CFAP96: variants seen among roughly 807,000 people sequenced by gnomAD.
CFAP96 encodes the protein cilia-and flagella-associated protein 96.
At chr4:185,428,724 C>T in the CFAP96 span, among the ~76,000 whole-genome samples, 1 of 152,022 alleles carries the variant, frequency 6.6e-6, no homozygotes, top group Admixed American at 6.6e-5. Context: ...ACTCAGAATT[C>T]ATTGTAGAAT....
At chr4:185,449,690 C>T in the CFAP96 span, 6 of 1,299,952 alleles carry the variant, frequency 4.6e-6, no homozygotes, top group South Asian at 7.0e-5. Context: ...ATGAGTAATT[C>T]ACTATCAAGA....
At chr4:185,445,094 G>C in the CFAP96 span, 1 of 1,551,604 alleles carries the variant, frequency 6.4e-7, no homozygotes, top group Admixed American at 2.0e-5. Context: ...CCAAAAAGCA[G>C]ACCAGTTGAA....
the CFAP96 span, among the ~76,000 whole-genome samples, chr4:185,441,098 G>A: frequency 6.6e-6 from 1 of 152,112 alleles, no homozygotes; most frequent in Admixed American, 6.5e-5. Context: ...TTACAGGCAT[G>A]TGCTACCATG....
chr4:185,443,497 T>C, the CFAP96 span, among the ~76,000 whole-genome samples: 2 of 150,684 alleles, frequency 1.3e-5, no homozygotes, highest in African/African-American at 2.4e-5. Context: ...TACAGGAGTG[T>C]GCCACCACGC....
the CFAP96 span, among the ~76,000 whole-genome samples, chr4:185,438,055 T>C: frequency 6.6e-6 from 1 of 152,076 alleles, no homozygotes; most frequent in African/African-American, 2.4e-5. Flanking sequence ...GATGTGACTT[T>C]GTGTTGTTTT....
At chr4:185,443,639 G>A in the CFAP96 span, among the ~76,000 whole-genome samples, 35 of 151,686 alleles carry the variant, frequency 2.3e-4, no homozygotes, top group Admixed American at 4.6e-4. Flanking sequence ...GTGAGCCACA[G>A]TGCCTGGCCT....
chr4:185,425,939 G>C, the CFAP96 span: 2 of 1,539,502 alleles, frequency 1.3e-6, no homozygotes, highest in African/African-American at 2.7e-5. Flanking sequence ...CTGAAGTGGT[G>C]TCACCGCACG....
At chr4:185,418,356 G>T in the CFAP96 span, 2 of 1,054,838 alleles carry the variant, frequency 1.9e-6, no homozygotes, top group Non-Finnish European at 2.8e-6. Context: ...TGATAAGAGG[G>T]TTAAATTATT....
At chr4:185,441,910 A>T in the CFAP96 span, among the ~76,000 whole-genome samples, 126 of 152,170 alleles carry the variant, frequency 8.3e-4, no homozygotes, top group African/African-American at 2.9e-3. Flanking sequence ...GGTATAGTTT[A>T]TTGTAGGTGA....
chr4:185,415,322 T>A, the CFAP96 span: 1 of 1,594,248 alleles, frequency 6.3e-7, no homozygotes, highest in Non-Finnish European at 8.5e-7. Context: ...TGATTATGAA[T>A]TGCATCAACC....
At chr4:185,429,456 C>G in the CFAP96 span, 2 of 1,538,800 alleles carry the variant, frequency 1.3e-6, no homozygotes, top group East Asian at 2.5e-5. Flanking sequence ...GGATTGGCCT[C>G]TTTAGTGAGA....
the CFAP96 span, among the ~76,000 whole-genome samples, chr4:185,410,335 A>C: frequency 6.6e-6 from 1 of 152,176 alleles, no homozygotes. Flanking sequence ...TTTGCTTGAA[A>C]TTTAAAAGCT....
the CFAP96 span, among the ~76,000 whole-genome samples, chr4:185,422,828 C>G: frequency 6.6e-6 from 1 of 152,212 alleles, no homozygotes; most frequent in Non-Finnish European, 1.5e-5. Context: ...CCCAGAGATT[C>G]TGATTAACTG....
the CFAP96 span, among the ~76,000 whole-genome samples, chr4:185,411,504 C>T: frequency 1.3e-5 from 2 of 151,948 alleles, no homozygotes; most frequent in Non-Finnish European, 1.5e-5. Context: ...ATGCAAAAAT[C>T]GTAAAATATT....
At chr4:185,419,980 G>A in the CFAP96 span, among the ~76,000 whole-genome samples, 1 of 152,138 alleles carries the variant, frequency 6.6e-6, no homozygotes, top group Non-Finnish European at 1.5e-5. Flanking sequence ...ACACTTTCAG[G>A]AACTGCCAAG....
At chr4:185,419,602 A>C in the CFAP96 span, among the ~76,000 whole-genome samples, 1 of 152,182 alleles carries the variant, frequency 6.6e-6, no homozygotes, top group Admixed American at 6.5e-5. Flanking sequence ...CATACTACCC[A>C]TGGCAATTAT....
the CFAP96 span, among the ~76,000 whole-genome samples, chr4:185,411,267 C>T: frequency 6.6e-6 from 1 of 151,702 alleles, no homozygotes; most frequent in South Asian, 2.1e-4. Flanking sequence ...AAATTGGTTA[C>T]TAAAAATCTT....
chr4:185,425,902 C>A, the CFAP96 span: 1 of 1,585,746 alleles, frequency 6.3e-7, no homozygotes, highest in Non-Finnish European at 8.6e-7. Context: ...GGCGCTGACG[C>A]CTGCCCAAAA....
chr4:185,409,847 G>A, the CFAP96 span, among the ~76,000 whole-genome samples: 1 of 152,212 alleles, frequency 6.6e-6, no homozygotes, highest in Non-Finnish European at 1.5e-5. Context: ...TAATGTGACT[G>A]AGGAGGCAGA....
Sources: allele counts gnomAD v4.1 joint callset (sites outside exome capture counted in the v4.1 genomes callset), GRCh38; gene constraint gnomAD v4.1.1; transcripts MANE v1.5; gene names NCBI Gene and HGNC (gene_info 2026-07-23, HGNC 2026-07-21).